CACHD1: variants seen among roughly 807,000 people sequenced by gnomAD.
CACHD1 encodes cache domain containing 1.
In CACHD1, 71 loss-of-function variants were observed where a neutral mutation model predicts 138.7. The observed-to-expected ratio is 0.51, with a 90% CI of 0.42 to 0.62. The LOEUF (loss-of-function observed/expected upper bound fraction) is 0.62. CACHD1 is among the 20% of genes least tolerant of loss of function. CACHD1 has a pLI of 0.00. For synonymous variants in CACHD1, 578 were observed against 591.5 expected (o/e 0.98, Z 0.33); for missense variants, 1,389 against 1,625.3 (o/e 0.85, Z 2.50).
At chr1:64,636,238 T>A (rs900962392) in intron 7 of CACHD1, among the ~76,000 whole-genome samples, 2 of 152,202 alleles carry the variant, frequency 1.3e-5, no homozygotes, top group African/African-American at 4.8e-5. Flanking sequence ...AAGCACTGAT[T>A]AATGCAAAGC....
At chr1:64,481,631 AAGGAGGAATTATTAGC>A (rs1248089554) in intron 1 of CACHD1, among the ~76,000 whole-genome samples, 1 of 152,206 alleles carries the variant, frequency 6.6e-6, no homozygotes. Flanking sequence ...CATGGGCAGG[AAGGAGGAATTATTAGC>A]AGGAGAAAAT....
intron 4 of CACHD1, among the ~76,000 whole-genome samples, chr1:64,621,581 A>G (rs1647916976): frequency 6.6e-6 from 1 of 152,206 alleles, no homozygotes; most frequent in African/African-American, 2.4e-5. Flanking sequence ...ATAAGAGAGG[A>G]TAAGAATCGA....
At chr1:64,579,261 T>C (rs56160028) in intron 2 of CACHD1, among the ~76,000 whole-genome samples, 5,184 of 152,306 alleles carry the variant, frequency 0.034, 186 homozygotes, top group Admixed American at 0.12. Flanking sequence ...TCTTAGCTCA[T>C]GGCCTATGTA....
At chr1:64,520,237 T>G (rs1646488583) in intron 1 of CACHD1, among the ~76,000 whole-genome samples, 1 of 152,224 alleles carries the variant, frequency 6.6e-6, no homozygotes, top group Non-Finnish European at 1.5e-5. Context: ...GGTAGAGGTA[T>G]TTCTAGAATA....
intron 26 of CACHD1, among the ~76,000 whole-genome samples, chr1:64,685,677 A>G (rs1570484766): frequency 6.6e-6 from 1 of 152,002 alleles, no homozygotes; most frequent in Non-Finnish European, 1.5e-5. Flanking sequence ...CTGTCTCTAC[A>G]AAATAAAAAA....
chr1:64,612,398 T>C (rs1466035297), intron 4 of CACHD1, among the ~76,000 whole-genome samples: 1 of 152,228 alleles, frequency 6.6e-6, no homozygotes, highest in Non-Finnish European at 1.5e-5. Flanking sequence ...TCTTGTTCAG[T>C]CTTCACTGTA....
chr1:64,681,911 C>T (rs1361519626), intron 25 of CACHD1, 94 bp from the exon 26 acceptor site: 1 of 1,050,098 alleles, frequency 9.5e-7, no homozygotes, highest in South Asian at 1.3e-5. Context: ...GAGAATTCTC[C>T]CAGCATGTAA....
At chr1:64,643,910 G>A (rs936122204) in intron 8 of CACHD1, among the ~76,000 whole-genome samples, 14 of 152,250 alleles carry the variant, frequency 9.2e-5, no homozygotes, top group Non-Finnish European at 2.1e-4. Context: ...GTATAGCTCA[G>A]AGGTGGAGCT....
intron 8 of CACHD1, 48 bp downstream of exon 8, chr1:64,642,017 G>C: frequency 7.0e-7 from 1 of 1,423,716 alleles, no homozygotes; most frequent in Non-Finnish European, 9.3e-7. Context: ...ATCCCTCTAA[G>C]TGTATGCTGC....
intron 1 of CACHD1, among the ~76,000 whole-genome samples, chr1:64,494,100 G>A (rs1427992491): frequency 6.6e-6 from 1 of 152,164 alleles, no homozygotes; most frequent in Admixed American, 6.5e-5. Flanking sequence ...CTTCAGAGCT[G>A]AGCATCTTAA....
At chr1:64,571,018 A>G (rs1349328776) in intron 2 of CACHD1, among the ~76,000 whole-genome samples, 1 of 152,132 alleles carries the variant, frequency 6.6e-6, no homozygotes, top group Non-Finnish European at 1.5e-5. Flanking sequence ...TGCCACTGCT[A>G]AAGTATCTTG....
intron 1 of CACHD1, among the ~76,000 whole-genome samples, chr1:64,541,001 C>T (rs976315501): frequency 2.0e-5 from 3 of 152,090 alleles, no homozygotes; most frequent in African/African-American, 4.8e-5. Flanking sequence ...TGTGTGTGCA[C>T]GCCCGCACGT....
chr1:64,512,405 A>G (rs1004344145), intron 1 of CACHD1, among the ~76,000 whole-genome samples: 3 of 150,746 alleles, frequency 2.0e-5, no homozygotes, highest in Non-Finnish European at 4.4e-5. Context: ...AAAAAAAAAA[A>G]AAAAAAAAAA....
At chr1:64,660,347 G>A (rs114100084) in intron 13 of CACHD1, among the ~76,000 whole-genome samples, 7 of 152,054 alleles carry the variant, frequency 4.6e-5, no homozygotes, top group Non-Finnish European at 7.4e-5. Flanking sequence ...CACTAGCCAC[G>A]TGTAGCTATT....
chr1:64,662,692 G>A (rs11208492), intron 13 of CACHD1, among the ~76,000 whole-genome samples: 33,416 of 152,096 alleles, frequency 0.22, 6,015 homozygotes, highest in East Asian at 0.63. Context: ...TCTCAAAGAC[G>A]AAGATTTAGT....
chr1:64,507,048 T>C (rs1264626172), intron 1 of CACHD1, among the ~76,000 whole-genome samples: 1 of 152,214 alleles, frequency 6.6e-6, no homozygotes, highest in African/African-American at 2.4e-5. Context: ...TCTTGTGAGA[T>C]GTGAATATTT....
intron 4 of CACHD1, among the ~76,000 whole-genome samples, chr1:64,624,038 T>A (rs1648011599): frequency 6.6e-6 from 1 of 152,198 alleles, no homozygotes; most frequent in Non-Finnish European, 1.5e-5. Context: ...CCTGTGTGGA[T>A]AATAAGGCTC....
At chr1:64,647,146 A>G (rs1648934218) in intron 8 of CACHD1, among the ~76,000 whole-genome samples, 1 of 31,862 alleles carries the variant, frequency 3.1e-5, no homozygotes, top group Non-Finnish European at 5.7e-5. Context: ...CAGTATGCCT[A>G]AATTTTGTAC....
chr1:64,532,323 C>A (rs1646593831), intron 1 of CACHD1, among the ~76,000 whole-genome samples: 1 of 152,120 alleles, frequency 6.6e-6, no homozygotes, highest in Non-Finnish European at 1.5e-5. Flanking sequence ...ACTGAGGACA[C>A]TGGGAACAAC....
Sources: allele counts gnomAD v4.1 joint callset (sites outside exome capture counted in the v4.1 genomes callset), GRCh38; gene constraint gnomAD v4.1.1; transcripts MANE v1.5; gene names NCBI Gene and HGNC (gene_info 2026-07-23, HGNC 2026-07-21).